The following KIZ variants were observed in gnomAD, a reference collection of about 807,000 sequenced individuals.
KIZ encodes kizuna centrosomal protein, also known as centrosomal protein kizuna.
KIZ carries 68 observed loss-of-function variants against 79.6 expected under a neutral mutation model. That is an observed-to-expected ratio of 0.85 (90% confidence interval 0.70 to 1.05). The LOEUF (loss-of-function observed/expected upper bound fraction) is 1.05, where lower values mean the gene tolerates loss of function less well. Ranked by LOEUF, KIZ falls within the 50% of genes least tolerant of loss-of-function variation. The pLI is 0.00. For missense variants in KIZ, 797 were observed against 800.4 expected (o/e 1.00, Z 0.05); for synonymous variants, 280 against 281.8 (o/e 0.99, Z 0.06).
chr20:21,135,009 C>CT (rs540993235), intron 2 of KIZ, among the ~76,000 whole-genome samples: 215 of 152,292 alleles, frequency 1.4e-3, no homozygotes, highest in Non-Finnish European at 2.6e-3. Flanking sequence ...ACTGGGAAGG[C>CT]CTCCCTGGCC....
chr20:21,229,156 G>C, intron 10 of KIZ, 41 bp downstream of exon 10: 1 of 1,160,388 alleles, frequency 8.6e-7, no homozygotes, highest in South Asian at 1.3e-5. Flanking sequence ...GCCCAGAGTG[G>C]CAGGCAGGGC....
intron 2 of KIZ, among the ~76,000 whole-genome samples, chr20:21,133,493 T>G (rs1466858499): frequency 6.6e-6 from 1 of 152,232 alleles, no homozygotes; most frequent in Non-Finnish European, 1.5e-5. Flanking sequence ...GCTCCTGGCC[T>G]TCTGGTGGTG....
At chr20:21,242,375 T>G (rs2037246970) in intron 11 of KIZ, among the ~76,000 whole-genome samples, 1 of 152,172 alleles carries the variant, frequency 6.6e-6, no homozygotes, top group Non-Finnish European at 1.5e-5. Context: ...CGACCAGATT[T>G]GCATTTCAGA....
chr20:21,229,169 T>G (rs1213334045), intron 10 of KIZ, 54 bp downstream of exon 10: 1 of 1,010,786 alleles, frequency 9.9e-7, no homozygotes, highest in Non-Finnish European at 1.5e-6. Context: ...GGCAGGGCTG[T>G]GTTCGGGGAA....
intron 3 of KIZ, among the ~76,000 whole-genome samples, chr20:21,138,112 T>A (rs979786071): frequency 6.6e-6 from 1 of 152,082 alleles, no homozygotes; most frequent in South Asian, 2.1e-4. Context: ...TTTCCCCACT[T>A]CTCCCAAAAA....
intron 4 of KIZ, among the ~76,000 whole-genome samples, chr20:21,150,210 A>C (rs1319467391): frequency 6.8e-6 from 1 of 147,114 alleles, no homozygotes; most frequent in Non-Finnish European, 1.5e-5. Flanking sequence ...GCCAAGAGGC[A>C]CAGGTGCTTA....
At chr20:21,234,466 G>A (rs1234700781) in intron 11 of KIZ, among the ~76,000 whole-genome samples, 1 of 151,924 alleles carries the variant, frequency 6.6e-6, no homozygotes, top group African/African-American at 2.4e-5. Context: ...CGTGCTGTTT[G>A]TCACGGTTTG....
chr20:21,242,123 A>G (rs2037238888), intron 11 of KIZ, among the ~76,000 whole-genome samples: 1 of 152,122 alleles, frequency 6.6e-6, no homozygotes, highest in Non-Finnish European at 1.5e-5. Context: ...TGTGGTCACT[A>G]CCCGCATGGA....
intron 6 of KIZ, among the ~76,000 whole-genome samples, chr20:21,172,389 G>A (rs997922218): frequency 5.9e-5 from 9 of 152,090 alleles, no homozygotes; most frequent in Admixed American, 2.6e-4. Context: ...GATTGTTTGC[G>A]CTTAGGAGTT....
intron 6 of KIZ, among the ~76,000 whole-genome samples, chr20:21,169,619 C>T (rs1241924074): frequency 2.0e-5 from 3 of 152,312 alleles, no homozygotes; most frequent in African/African-American, 7.2e-5. Context: ...GCTATAAAGA[C>T]ACATGCAGAC....
At chr20:21,207,485 CCTT>C (rs1424542677) in intron 7 of KIZ, among the ~76,000 whole-genome samples, 21 of 112,680 alleles carry the variant, frequency 1.9e-4, no homozygotes, top group African/African-American at 7.8e-4. Context: ...CCTTCCCTCT[CCTT>C]CTTTCCTCCC....
intron 4 of KIZ, among the ~76,000 whole-genome samples, chr20:21,159,178 AT>A (rs1568929836): frequency 5.3e-5 from 8 of 151,362 alleles, no homozygotes; most frequent in Non-Finnish European, 1.0e-4. Flanking sequence ...AATTAAAAAA[AT>A]TTTTTTTAAT....
Position 21,163,062 on chromosome 20 carries a change from G to A in KIZ, c.1255G>A (p.Glu419Lys). Residue 419 changes from glutamate (E) to lysine (K), a missense_variant, in exon 6 of 13, where the codon GAA (glutamate) becomes AAA (lysine). Glu to Lys is a moderately conservative substitution (Grantham distance 56). Transcript: ENST00000619189. Reference sequence around the variant, plus strand: ...CTTAAAATTAATCCATGCTGAGCAAGAAAGAGTTGCCCTATCCACTGAAAA... The same window carrying A: ...CTTAAAATTAATCCATGCTGAGCAAAAAAGAGTTGCCCTATCCACTGAAAA... Reference protein sequence around the residue: ...EALKLIHAEQERVALSTEKNC... With the variant: ...EALKLIHAEQKRVALSTEKNC... The A allele has an allele frequency of 6.2e-7, 1 of 1,613,782 alleles. No individual in the cohort carries two copies. Among genetic ancestry groups the A allele is most frequent in the Non-Finnish European group, 8.5e-7 (1 of 1,179,706 alleles).
At chr20:21,219,543 C>G (rs1165150631) in intron 9 of KIZ, among the ~76,000 whole-genome samples, 3 of 152,132 alleles carry the variant, frequency 2.0e-5, no homozygotes, top group Non-Finnish European at 4.4e-5. Flanking sequence ...GTCTCCAACT[C>G]CCGACCTCAA....
At chr20:21,237,875 G>C (rs1365175066) in intron 11 of KIZ, among the ~76,000 whole-genome samples, 2 of 152,160 alleles carry the variant, frequency 1.3e-5, no homozygotes, top group African/African-American at 4.8e-5. Flanking sequence ...TGTCACCCAG[G>C]CTGGAGTACA....
At chr20:21,137,879 C>T (rs980028876) in intron 3 of KIZ, among the ~76,000 whole-genome samples, 1 of 152,178 alleles carries the variant, frequency 6.6e-6, no homozygotes, top group Non-Finnish European at 1.5e-5. Flanking sequence ...TGGGCTCAAG[C>T]GAGCCTCCCT....
chr20:21,170,913 T>C (rs1251052042), intron 6 of KIZ, among the ~76,000 whole-genome samples: 2 of 152,220 alleles, frequency 1.3e-5, no homozygotes, highest in Non-Finnish European at 2.9e-5. Context: ...CTTAACGTAA[T>C]GACCTCCAGT....
Position 21,162,356 on chromosome 20 carries a change from C to T in KIZ, c.891C>T (p.Ser297=), listed in dbSNP as rs768777591. ...CTGATTTAAAGTGTGACAGTTCCAG[C>T]GGATCAGAGGGAGAAATACTGACAC... ...RTTDLKCDSS[S]GSEGEILTRE... is the part of the protein sequence containing the mutation. Residue 297 remains serine, a synonymous_variant, in exon 5 of 13, where the codon AGC becomes AGT. Coordinates refer to ENST00000619189, the MANE Select transcript of KIZ (RefSeq NM_018474.6). 32 of 1,613,682 alleles carry T rather than the reference C, an allele frequency of 2.0e-5. No individual in the cohort carries two copies. The highest frequency in any genetic ancestry group is 6.7e-5 in the Admixed American group (4 of 59,986).
At chr20:21,221,583 G>A (rs1190942005) in intron 9 of KIZ, among the ~76,000 whole-genome samples, 1 of 152,174 alleles carries the variant, frequency 6.6e-6, no homozygotes, top group Non-Finnish European at 1.5e-5. Context: ...AAGCTGTGTT[G>A]AAAGTGGTTG....
Sources: allele counts gnomAD v4.1 joint callset (sites outside exome capture counted in the v4.1 genomes callset), GRCh38; gene constraint gnomAD v4.1.1; transcripts MANE v1.5; gene names NCBI Gene and HGNC (gene_info 2026-07-23, HGNC 2026-07-21).